PPP2R2B: variants seen among roughly 807,000 people sequenced by gnomAD.
PPP2R2B encodes protein phosphatase 2 regulatory subunit Bbeta, also known as serine/threonine-protein phosphatase 2A 55 kDa regulatory subunit B beta isoform.
Under a neutral mutation model 46.0 loss-of-function variants are expected in PPP2R2B, and 5 were observed. The observed-to-expected ratio is 0.11, with a 90% confidence interval of 0.06 to 0.23. The LOEUF is 0.23. PPP2R2B is among the 10% of genes least tolerant of loss of function. The pLI, the probability that PPP2R2B is intolerant of heterozygous loss-of-function variation, is 1.00. For synonymous variants in PPP2R2B, 215 were observed against 206.7 expected (o/e 1.04, Z -0.34); for missense variants, 367 against 575.0 (o/e 0.64, Z 3.70).
intron 8 of PPP2R2B, among the ~76,000 whole-genome samples, chr5:146,599,610 C>T (rs927537912): frequency 2.6e-5 from 4 of 152,292 alleles, no homozygotes; most frequent in Non-Finnish European, 5.9e-5. Context: ...GCACCCTGAA[C>T]ACACCTCATT....
chr5:146,821,968 A>C (rs931489471), intron 2 of PPP2R2B, among the ~76,000 whole-genome samples: 2 of 152,256 alleles, frequency 1.3e-5, no homozygotes, highest in Non-Finnish European at 2.9e-5. Context: ...AACTGTGTTC[A>C]GAACACACAG....
At chr5:146,967,895 A>G (rs1250767899) in intron 1 of PPP2R2B, among the ~76,000 whole-genome samples, 2 of 152,186 alleles carry the variant, frequency 1.3e-5, no homozygotes, top group African/African-American at 4.8e-5. Flanking sequence ...TCACTGCAGC[A>G]AACAAGCTAG....
chr5:146,811,128 C>T (rs553276295), intron 2 of PPP2R2B, among the ~76,000 whole-genome samples: 3 of 152,156 alleles, frequency 2.0e-5, no homozygotes, highest in South Asian at 2.1e-4. Context: ...CTCAGCCTCC[C>T]GAGTAGCTGG....
chr5:146,788,263 C>T (rs908846930), intron 2 of PPP2R2B, among the ~76,000 whole-genome samples: 1 of 151,802 alleles, frequency 6.6e-6, no homozygotes, highest in Admixed American at 6.6e-5. Flanking sequence ...ATCTCCTCTG[C>T]CCAAATTTTG....
intron 1 of PPP2R2B, among the ~76,000 whole-genome samples, chr5:146,900,358 G>A (rs1449167608): frequency 6.6e-6 from 1 of 152,128 alleles, no homozygotes; most frequent in Non-Finnish European, 1.5e-5. Flanking sequence ...ATACAATGTA[G>A]AAACAGGGAG....
chr5:146,920,933 G>A (rs143780484), intron 1 of PPP2R2B, among the ~76,000 whole-genome samples: 18 of 152,302 alleles, frequency 1.2e-4, no homozygotes, highest in African/African-American at 4.3e-4. Context: ...TCTTTGGAGA[G>A]AATTAAAATG....
chr5:147,062,532 A>G (rs542814540), intron 2 of PPP2R2B, among the ~76,000 whole-genome samples: 1 of 152,270 alleles, frequency 6.6e-6, no homozygotes, highest in East Asian at 1.9e-4. Context: ...GAGGAAGTTT[A>G]CACAGAGACA....
intron 1 of PPP2R2B, among the ~76,000 whole-genome samples, chr5:146,961,876 T>A (rs548731997): frequency 5.3e-5 from 8 of 152,080 alleles, no homozygotes; most frequent in African/African-American, 1.4e-4. Context: ...ATTAGTCAAA[T>A]AAAGTGGTCT....
At chr5:146,806,378 T>C (rs1378269016) in intron 2 of PPP2R2B, among the ~76,000 whole-genome samples, 1 of 152,164 alleles carries the variant, frequency 6.6e-6, no homozygotes, top group East Asian at 1.9e-4. Context: ...TTAGGTTGCC[T>C]AGGACTAAAA....
intron 1 of PPP2R2B, among the ~76,000 whole-genome samples, chr5:147,004,269 G>A (rs1561570170): frequency 6.6e-6 from 1 of 151,884 alleles, no homozygotes; most frequent in African/African-American, 2.4e-5. Flanking sequence ...ATCACTAGAA[G>A]ACACACTGCC....
At chr5:146,926,445 G>A (rs753386041) in intron 1 of PPP2R2B, among the ~76,000 whole-genome samples, 3 of 151,790 alleles carry the variant, frequency 2.0e-5, no homozygotes, top group Non-Finnish European at 4.4e-5. Flanking sequence ...CCCAGGCAGT[G>A]CAGTGGTGCA....
chr5:146,894,546 C>A (rs572909137), intron 1 of PPP2R2B, among the ~76,000 whole-genome samples: 2 of 152,252 alleles, frequency 1.3e-5, no homozygotes, highest in Non-Finnish European at 2.9e-5. Context: ...TTCAAGAAAT[C>A]CTCCCACCTC....
At chr5:146,979,921 C>T (rs1753089068) in intron 1 of PPP2R2B, among the ~76,000 whole-genome samples, 1 of 152,022 alleles carries the variant, frequency 6.6e-6, no homozygotes, top group Non-Finnish European at 1.5e-5. Flanking sequence ...GAGAGCAAAA[C>T]CATGGCAGAT....
At chr5:146,913,913 CT>C (rs1763281705) in intron 1 of PPP2R2B, among the ~76,000 whole-genome samples, 1 of 152,146 alleles carries the variant, frequency 6.6e-6, no homozygotes, top group Non-Finnish European at 1.5e-5. Context: ...CTTACGTGGT[CT>C]TTGGTAGGAT....
chr5:146,729,767 C>T (rs1752114971), intron 2 of PPP2R2B, among the ~76,000 whole-genome samples: 1 of 152,222 alleles, frequency 6.6e-6, no homozygotes, highest in Non-Finnish European at 1.5e-5. Context: ...AAGTGAAGAA[C>T]TGAGGTTTGG....
chr5:146,645,272 G>T (rs1775502287), intron 6 of PPP2R2B, among the ~76,000 whole-genome samples: 1 of 152,100 alleles, frequency 6.6e-6, no homozygotes, highest in African/African-American at 2.4e-5. Context: ...GAAACATAAA[G>T]ATCTTATTAG....
intron 1 of PPP2R2B, among the ~76,000 whole-genome samples, chr5:146,909,732 T>C (rs1561511609): frequency 6.6e-6 from 1 of 152,308 alleles, no homozygotes; most frequent in East Asian, 1.9e-4. Flanking sequence ...AGTCAGGGTC[T>C]TTTCCAGTCT....
At chr5:146,748,566 A>T (rs1036565385) in intron 2 of PPP2R2B, among the ~76,000 whole-genome samples, 5 of 152,248 alleles carry the variant, frequency 3.3e-5, no homozygotes, top group African/African-American at 1.2e-4. Flanking sequence ...TGAAATGATG[A>T]AATCATAAAA....
intron 2 of PPP2R2B, among the ~76,000 whole-genome samples, chr5:146,712,842 G>A (rs1031073406): frequency 2.0e-5 from 3 of 152,086 alleles, no homozygotes; most frequent in Non-Finnish European, 2.9e-5. Context: ...TCCAAACAAC[G>A]TCTCAAGATT....
Sources: allele counts gnomAD v4.1 joint callset (sites outside exome capture counted in the v4.1 genomes callset), GRCh38; gene constraint gnomAD v4.1.1; transcripts MANE v1.5; gene names NCBI Gene and HGNC (gene_info 2026-07-23, HGNC 2026-07-21).